The following FBXO40 variants were observed in gnomAD, a reference collection of about 807,000 sequenced individuals.
The protein encoded by FBXO40 is F-box protein 40.
FBXO40 carries 50 observed loss-of-function variants against 49.9 expected under a neutral mutation model. That is an observed-to-expected ratio of 1.00 (90% CI 0.80 to 1.27). The LOEUF (loss-of-function observed/expected upper bound fraction) is 1.27. FBXO40 is among the 50% of genes most tolerant of loss of function. The pLI, the probability that FBXO40 is intolerant of heterozygous loss-of-function variation, is 0.00. For missense variants in FBXO40, 895 were observed against 870.1 expected (o/e 1.03, Z -0.36); for synonymous variants, 340 against 320.2 (o/e 1.06, Z -0.66).
rs1212010528 is a variant in FBXO40 at position 121,627,704 on chromosome 3, T to G, written c.*794T>G. On this transcript the variant is annotated 3_prime_UTR_variant, in exon 4 of 4. Transcript: ENST00000338040. ...TTAATAATGACTTAAGGGTCAAGAT[T>G]TTTTTCTTCTGAAAATTATGTTCTG... is the stretch of plus-strand genomic sequence containing the variant. 2.8e-6 allele frequency: 1 copy of G among 362,614 alleles called. No homozygotes were observed. Among genetic ancestry groups the G allele is most frequent in the Non-Finnish European group, 4.8e-6 (1 of 209,084 alleles). The allele number at this position is 362,614 out of a possible 1,614,324, so 22.5% of individuals were successfully genotyped here. A position where few individuals can be genotyped will look rare whatever the true frequency, so the allele number is the denominator to read the frequency against.
At position 121,622,174 on chromosome 3, in the gene FBXO40, G is replaced by T. The variant is rs756807753; in HGVS notation, c.745G>T (p.Glu249Ter). 84 of 1,613,980 alleles carry T rather than the reference G, an allele frequency of 5.2e-5. No individual in the cohort carries two copies. Among genetic ancestry groups the T allele is most frequent in the Non-Finnish European group, 6.8e-5 (80 of 1,179,988 alleles). ...CAAGAACAAGAATGACTCCGAGAAA[G>T]AACAGATTTCCAGTGGCCATAACAT... ...ESKNKNDSEK[E>*]QISSGHNMVE... The change falls in exon 3 of 4, where the codon GAA becomes TAA. Residue 249 changes from glutamate to a stop codon, truncating the protein, a stop_gained. Transcript: ENST00000338040. LOFTEE classifies it high-confidence loss of function.
rs2049085124 is a variant in FBXO40 at position 121,630,059 on chromosome 3, T to C, written c.*3149T>C. 1 of 152,132 alleles carries C rather than the reference T, an allele frequency of 6.6e-6. No homozygotes were observed. Among genetic ancestry groups the C allele is most frequent in the Non-Finnish European group, 1.5e-5 (1 of 68,030 alleles). 9.4% of individuals were successfully genotyped at this position (152,132 alleles called of 1,614,324 possible). On this transcript the variant is annotated 3_prime_UTR_variant, in exon 4 of 4. Coordinates refer to ENST00000338040, the MANE Select transcript of FBXO40 (RefSeq NM_016298.4). Reference sequence around the variant, plus strand: ...TGGGCCAGAGAGGACCTTACTGCCTTAGTAGCATAAGGGTCTGGAAAAGAA... The same window carrying C: ...TGGGCCAGAGAGGACCTTACTGCCTCAGTAGCATAAGGGTCTGGAAAAGAA...
At chr3:121,612,508 G>C (rs1277491372) in intron 1 of FBXO40, among the ~76,000 whole-genome samples, 1 of 152,192 alleles carries the variant, frequency 6.6e-6, no homozygotes, top group Non-Finnish European at 1.5e-5. Flanking sequence ...GCTGGGGGAA[G>C]CCTGGGATTA....
intron 1 of FBXO40, among the ~76,000 whole-genome samples, chr3:121,601,339 A>G (rs2108844596): frequency 6.6e-6 from 1 of 152,038 alleles, no homozygotes; most frequent in Non-Finnish European, 1.5e-5. Flanking sequence ...TGCTCTGTAC[A>G]TGTCCTCTCT....
rs1418761699 is a variant in FBXO40 at position 121,622,681 on chromosome 3, A to G, written c.1252A>G (p.Ser418Gly). ...AGGCCACGTCATCTCTGAATCCAGA[A>G]GCATTGATGGACTGTTCATGGATTT... ...LKGHVISESR[S>G]IDGLFMDFAT... Residue 418 changes from serine to glycine, a missense_variant, in exon 3 of 4, where the codon AGC (serine) becomes GGC (glycine). Coordinates refer to ENST00000338040, the MANE Select transcript of FBXO40 (RefSeq NM_016298.4). 2 of 1,614,212 alleles carry G rather than the reference A, an allele frequency of 1.2e-6. No individual in the cohort carries two copies. Among genetic ancestry groups the G allele is most frequent in the South Asian group, 1.1e-5 (1 of 91,074 alleles).
At chr3:121,616,178 G>A (rs548873316) in intron 1 of FBXO40, among the ~76,000 whole-genome samples, 16 of 152,172 alleles carry the variant, frequency 1.1e-4, no homozygotes, top group Admixed American at 2.0e-4. Flanking sequence ...TTCTGCTTGC[G>A]ATTTCTCACC....
intron 1 of FBXO40, among the ~76,000 whole-genome samples, chr3:121,618,826 G>A (rs2049014004): frequency 6.6e-6 from 1 of 151,714 alleles, no homozygotes; most frequent in South Asian, 2.1e-4. Context: ...ACACAAAAAT[G>A]GTAAAATGTT....
rs35106461 is a variant in FBXO40 at position 121,623,153 on chromosome 3, G to A, written c.1724G>A (p.Ser575Asn). 1 of 1,614,180 alleles carries A rather than the reference G, an allele frequency of 6.2e-7. No individual in the cohort carries two copies. The highest frequency in any genetic ancestry group is 8.5e-7 in the Non-Finnish European group (1 of 1,180,040). ...GGAAAAAGCCAGAATTCTTTAACCA[G>A]CCTGCCCCTGGAGATTTTGAAGTAC... Reference protein sequence around the residue: ...HGGKSQNSLTSLPLEILKYIA... With the variant: ...HGGKSQNSLTNLPLEILKYIA... Residue 575 changes from serine to asparagine, a missense_variant, in exon 3 of 4, where the codon AGC (serine) becomes AAC (asparagine). Transcript: ENST00000338040.
At chr3:121,611,970 C>T (rs1467931410) in intron 1 of FBXO40, among the ~76,000 whole-genome samples, 2 of 152,134 alleles carry the variant, frequency 1.3e-5, no homozygotes, top group African/African-American at 2.4e-5. Context: ...GTGGCTGGGG[C>T]AAAGCTACAA....
At chr3:121,602,450 T>C (rs1339756570) in intron 1 of FBXO40, among the ~76,000 whole-genome samples, 1 of 152,260 alleles carries the variant, frequency 6.6e-6, no homozygotes, top group Non-Finnish European at 1.5e-5. Context: ...ATAGCCAACA[T>C]TCTTTCTTCC....
intron 1 of FBXO40, among the ~76,000 whole-genome samples, chr3:121,596,540 G>A (rs568488615): frequency 5.3e-5 from 8 of 152,268 alleles, no homozygotes; most frequent in South Asian, 4.2e-4. Context: ...AAGTTTGCCC[G>A]GGTGATTCCT....
intron 1 of FBXO40, among the ~76,000 whole-genome samples, chr3:121,605,141 T>TGA (rs34231164): frequency 0.17 from 25,431 of 151,894 alleles, 2,532 homozygotes; most frequent in Admixed American, 0.33. Flanking sequence ...CCTGGATAAT[T>TGA]GGCCAGGCTG....
intron 3 of FBXO40, among the ~76,000 whole-genome samples, chr3:121,625,574 C>G (rs764002987): frequency 2.0e-5 from 3 of 152,286 alleles, no homozygotes; most frequent in Admixed American, 6.5e-5. Context: ...AAGACTAACA[C>G]ACTGCCTTCA....
intron 3 of FBXO40, among the ~76,000 whole-genome samples, chr3:121,624,653 C>A (rs1492178): frequency 0.77 from 117,703 of 151,978 alleles, 45,754 homozygotes; most frequent in Admixed American, 0.81. Context: ...TTCCCCCCTG[C>A]ATGGTTCCTC....
At chr3:121,618,357 A>G (rs939965594) in intron 1 of FBXO40, among the ~76,000 whole-genome samples, 13 of 147,784 alleles carry the variant, frequency 8.8e-5, no homozygotes, top group African/African-American at 3.2e-4. Context: ...AAAGCGTCTT[A>G]TATCAGCAGC....
chr3:121,622,281 C>T lies in FBXO40; in HGVS notation c.852C>T (p.Thr284=). 1 of 1,614,184 alleles carries T rather than the reference C, an allele frequency of 6.2e-7. No homozygotes were observed. The highest frequency in any genetic ancestry group is 8.5e-7 in the Non-Finnish European group (1 of 1,180,038). The change falls in exon 3 of 4, where the codon ACC becomes ACT. Residue 284 remains threonine (T), a synonymous_variant. Transcript: ENST00000338040. ...KQQDVRTAME[T]TGLAPWQDGV... The stretch of plus-strand genomic sequence containing the variant: ...AGGACGTTCGTACAGCCATGGAAAC[C>T]ACAGGGCTTGCCCCTTGGCAGGATG...
At chr3:121,620,424 GA>G (rs2049023948) in intron 1 of FBXO40, 121 bp from the exon 2 acceptor site, 2 of 822,020 alleles carry the variant, frequency 2.4e-6, no homozygotes, top group African/African-American at 3.5e-5. Flanking sequence ...TGGAGATAAA[GA>G]CACCTCCAGG....
chr3:121,627,685 A>AG lies in FBXO40; in HGVS notation c.*775_*776insG. On this transcript the variant is annotated 3_prime_UTR_variant, in exon 4 of 4. Coordinates refer to ENST00000338040, the MANE Select transcript of FBXO40 (RefSeq NM_016298.4). Reference sequence around the variant, plus strand: ...CAACTTACTTTGTAACATTTTAATAATGACTTAAGGGTCAAGATTTTTTTC... The same window carrying AG: ...CAACTTACTTTGTAACATTTTAATAAGTGACTTAAGGGTCAAGATTTTTTTC... 2.5e-6 allele frequency: 1 copy of AG among 396,360 alleles called. No homozygotes were observed. The highest frequency in any genetic ancestry group is 4.4e-6 in the Non-Finnish European group (1 of 225,466). The allele number at this position is 396,360 out of a possible 1,614,324, so 24.6% of individuals were successfully genotyped here.
intron 1 of FBXO40, among the ~76,000 whole-genome samples, chr3:121,594,244 A>C (rs917558977): frequency 3.3e-5 from 5 of 152,026 alleles, no homozygotes; most frequent in Non-Finnish European, 7.4e-5. Context: ...TCTGTTGCCC[A>C]GGCTGGAGTG....
Sources: gnomAD v4.1 joint callset for allele counts (sites outside exome capture counted in the v4.1 genomes callset) on GRCh38, gnomAD v4.1.1 for gene constraint, MANE v1.5 for transcripts, NCBI Gene and HGNC (gene_info 2026-07-23, HGNC 2026-07-21) for gene names.